NTRK1: variants seen among roughly 807,000 people sequenced by gnomAD.
NTRK1 encodes the protein high affinity nerve growth factor receptor.
Under a neutral mutation model 86.8 loss-of-function variants are expected in NTRK1, and 62 were observed. The observed-to-expected ratio is 0.71, with a 90% CI of 0.58 to 0.88. The LOEUF is 0.88. Among genes scored for constraint, NTRK1 ranks in the 40% least tolerant of loss-of-function variants. The pLI, the probability that NTRK1 is intolerant of heterozygous loss-of-function variation, is 0.00. For missense variants in NTRK1, 967 were observed against 1,078.4 expected (o/e 0.90, Z 1.45); for synonymous variants, 469 against 456.6 (o/e 1.03, Z -0.35).
At chr1:156,871,894 C>A in intron 7 of NTRK1, 139 bp downstream of exon 7, 1 of 1,204,764 alleles carries the variant, frequency 8.3e-7, no homozygotes, top group Non-Finnish European at 1.2e-6. Context: ...TTCCAGATTC[C>A]CATGAAAACC....
chr1:156,834,951 A>G (rs1346475919), intron 1 of NTRK1, among the ~76,000 whole-genome samples: 2 of 152,090 alleles, frequency 1.3e-5, no homozygotes, highest in East Asian at 3.9e-4. Flanking sequence ...TGAGGGAAGG[A>G]ATGGAAAAAG....
At position 156,860,916 on chromosome 1, in the gene NTRK1, C is replaced by A. The variant is rs1190296938; in HGVS notation, c.-19C>A. On this transcript the variant is annotated 5_prime_UTR_variant, in exon 1 of 17. Transcript: ENST00000524377. ...CGCACAGACGGCTGCCCCGCCTGAG[C>A]GAGGCGGGCGCCGCCGCGATGCTGC... The A allele has an allele frequency of 2.8e-6, 4 of 1,429,536 alleles. No homozygotes were observed. Among genetic ancestry groups the A allele is most frequent in the Non-Finnish European group, 2.7e-6 (3 of 1,102,884 alleles). 88.6% of individuals were successfully genotyped at this position (1,429,536 alleles called of 1,614,324 possible).
intron 2 of NTRK1, chr1:156,851,169 TAG>T: frequency 1.9e-6 from 2 of 1,037,482 alleles, no homozygotes; most frequent in African/African-American, 1.6e-5. Flanking sequence ...TTAACCTACT[TAG>T]AGTCACACGC....
chr1:156,868,018 T>A, intron 4 of NTRK1, 86 bp from the exon 5 acceptor site: 1 of 1,486,110 alleles, frequency 6.7e-7, no homozygotes, highest in Non-Finnish European at 9.4e-7. Context: ...TAGACGGTCC[T>A]CCCTGCTGCC....
chr1:156,879,327 A>G lies in NTRK1; in HGVS notation c.2011A>G (p.Met671Val), dbSNP rs376816422. ...GLVVKIGDFG[M>V]SRDIYSTDYY... is the part of the protein sequence containing the mutation. Reference sequence around the variant, plus strand: ...GGTGGTCAAGATTGGTGATTTTGGCATGAGCAGGGATATCTACAGCACCGA... The same window carrying G: ...GGTGGTCAAGATTGGTGATTTTGGCGTGAGCAGGGATATCTACAGCACCGA... The change falls in exon 15 of 17, where the codon ATG becomes GTG. Residue 671 changes from methionine to valine, a missense_variant. This residue lies in a region of NTRK1 where 637 missense variants were observed against 776.5 expected (regional missense o/e 0.82). Coordinates refer to ENST00000524377, the MANE Select transcript of NTRK1 (RefSeq NM_002529.4). The G allele has an allele frequency of 6.2e-7, 1 of 1,610,956 alleles. No individual in the cohort carries two copies. The highest frequency in any genetic ancestry group is 8.5e-7 in the Non-Finnish European group (1 of 1,179,996).
chr1:156,833,798 C>G (rs540755459), intron 1 of NTRK1, among the ~76,000 whole-genome samples: 4 of 152,316 alleles, frequency 2.6e-5, no homozygotes, highest in African/African-American at 9.6e-5. Context: ...TGCAGGGAGA[C>G]AGGGGAGGAC....
intron 6 of NTRK1, among the ~76,000 whole-genome samples, chr1:156,870,275 C>T (rs1013113029): frequency 6.6e-6 from 1 of 152,198 alleles, no homozygotes; most frequent in South Asian, 2.1e-4. Context: ...CTACTGGGCA[C>T]AGTGGCCCAT....
intron 2 of NTRK1, among the ~76,000 whole-genome samples, chr1:156,847,168 C>T (rs1655043236): frequency 2.0e-5 from 3 of 152,226 alleles, no homozygotes; most frequent in South Asian, 2.1e-4. Context: ...AGTGTCTTCA[C>T]TTAGGCCCTT....
chr1:156,851,682 C>A, intron 2 of NTRK1: 7 of 1,614,220 alleles, frequency 4.3e-6, no homozygotes, highest in Non-Finnish European at 5.1e-6. Flanking sequence ...CTTCCCTCCA[C>A]ATGCGTGCAG....
intron 16 of NTRK1, chr1:156,880,433 T>G: frequency 1.9e-6 from 1 of 519,442 alleles, no homozygotes. Flanking sequence ...CCCCCATCCC[T>G]AGCTGCATTT....
chr1:156,841,455 C>T (rs1002185894), intron 1 of NTRK1: 3 of 1,614,030 alleles, frequency 1.9e-6, no homozygotes, highest in Non-Finnish European at 2.5e-6. Flanking sequence ...AACTTCAGCA[C>T]CTGCTCATTG....
chr1:156,846,100 G>T (rs540004085), intron 2 of NTRK1: 1 of 1,604,390 alleles, frequency 6.2e-7, no homozygotes, highest in East Asian at 2.2e-5. Context: ...TGGAGATGAC[G>T]TCTTGGGGCA....
At chr1:156,872,832 C>G (rs980800707) in intron 7 of NTRK1, among the ~76,000 whole-genome samples, 1 of 151,896 alleles carries the variant, frequency 6.6e-6, no homozygotes, top group Non-Finnish European at 1.5e-5. Flanking sequence ...CCCTCCACCA[C>G]GCCCAGCTAA....
chr1:156,877,960 G>A (rs935421260), intron 14 of NTRK1, among the ~76,000 whole-genome samples: 5 of 152,178 alleles, frequency 3.3e-5, no homozygotes, highest in Non-Finnish European at 7.4e-5. Context: ...GAAGGCCAGG[G>A]AGGAGCCTAT....
chr1:156,844,386 G>A (rs1471087794), intron 2 of NTRK1: 12 of 1,570,978 alleles, frequency 7.6e-6, no homozygotes, highest in Non-Finnish European at 9.6e-6. Flanking sequence ...AGGGATGCGG[G>A]GGAGGGGCCT....
At position 156,850,541 on chromosome 1, in the gene NTRK1, T is replaced by C. The variant is rs866255221; in HGVS notation, c.50+8348T>C. Among the ~76,000 whole-genome samples, 95 of 92,344 alleles carry C rather than the reference T, an allele frequency of 1.0e-3. 1 individual carries two copies. The highest frequency in any genetic ancestry group is 6.5e-3 in the African/African-American group (94 of 14,536). 60.6% of individuals were successfully genotyped at this position (92,344 alleles called of 152,430 possible). A position where few individuals can be genotyped will look rare whatever the true frequency, so the allele number is the denominator to read the frequency against. ...ATGGTAATTTAAAACATTCTTTTTT[T>C]TTTTTTTTTTTTTTTTTTTTTTTTG... is the stretch of plus-strand genomic sequence containing the variant. On this transcript the variant is annotated intron_variant, in intron 2 of 16. Transcript: ENST00000392302.
rs934334830 is a variant in NTRK1, at chr1:156,873,548, G to A, written c.851-85G>A. On this transcript the variant is annotated intron_variant, in intron 7 of 16. Transcript: ENST00000524377. ...TGCCCTTTGATTTCGGGTTCTACTC[G>A]CTTTGCCCGTGGACTTGTCGGGTGT... is the stretch of plus-strand genomic sequence containing the variant. 48 of 1,176,708 alleles carry A rather than the reference G, an allele frequency of 4.1e-5. 2 individuals carry two copies. The South Asian group carries it at 4.9e-4, about 12-fold the overall frequency. 72.9% of individuals were successfully genotyped at this position (1,176,708 alleles called of 1,614,324 possible).
chr1:156,868,364 G>T (rs1647301537), intron 5 of NTRK1, 115 bp downstream of exon 5: 2 of 1,540,298 alleles, frequency 1.3e-6, no homozygotes, highest in Non-Finnish European at 1.7e-6. Context: ...ACTGGCAAAG[G>T]CTGGGGGAAA....
At position 156,875,512 on chromosome 1, in the gene NTRK1, C is replaced by T. The variant is rs1647847489; in HGVS notation, c.1355-8C>T. 1 of 1,613,802 alleles carries T rather than the reference C, an allele frequency of 6.2e-7. No individual in the cohort carries two copies. Among genetic ancestry groups the T allele is most frequent in the Non-Finnish European group, 8.5e-7 (1 of 1,180,004 alleles). On this transcript the variant is annotated splice_region_variant and splice_polypyrimidine_tract_variant and intron_variant, in intron 11 of 16. Transcript: ENST00000524377. The stretch of plus-strand genomic sequence containing the variant: ...AAACCCCTCCATGCGGCTGTGTCTC[C>T]TCTCTAGGCCCGGCTGTGCTGGCTC...
Sources: allele counts gnomAD v4.1 joint callset (sites outside exome capture counted in the v4.1 genomes callset), GRCh38; gene constraint gnomAD v4.1.1; regional missense constraint gnomAD v4.1.1; transcripts MANE v1.5; gene names NCBI Gene and HGNC (gene_info 2026-07-23, HGNC 2026-07-21).